The following VPS13D variants were observed in gnomAD, a reference collection of about 807,000 sequenced individuals.
The protein encoded by VPS13D is vacuolar protein sorting 13 homolog D.
VPS13D carries 187 observed loss-of-function variants against 461.9 expected under a neutral mutation model. That is an observed-to-expected ratio of 0.40 (90% CI 0.36 to 0.46). The LOEUF is 0.46. VPS13D is among the 20% of genes least tolerant of loss of function. The pLI, the probability that VPS13D is intolerant of heterozygous loss-of-function variation, is 0.60. For synonymous variants in VPS13D, 1,951 were observed against 1,986.3 expected (o/e 0.98, Z 0.47); for missense variants, 4,711 against 5,364.9 (o/e 0.88, Z 3.81).
intron 67 of VPS13D, among the ~76,000 whole-genome samples, chr1:12,483,945 C>T (rs1027940154): frequency 2.6e-5 from 4 of 151,578 alleles, no homozygotes; most frequent in African/African-American, 9.7e-5. Context: ...TTGCAGTGAG[C>T]CGAGATGGTG....
intron 57 of VPS13D, among the ~76,000 whole-genome samples, chr1:12,380,755 C>T (rs2101645499): frequency 6.6e-6 from 1 of 152,300 alleles, no homozygotes; most frequent in East Asian, 1.9e-4. Flanking sequence ...AGATTGTACT[C>T]CAGGGCAGTT....
intron 65 of VPS13D, among the ~76,000 whole-genome samples, chr1:12,439,622 A>G (rs1163122135): frequency 6.6e-6 from 1 of 152,222 alleles, no homozygotes; most frequent in Non-Finnish European, 1.5e-5. Flanking sequence ...CACTCAGTCC[A>G]TAGTATATGT....
chr1:12,280,500 C>CT (rs774648603), intron 20 of VPS13D, among the ~76,000 whole-genome samples: 4,116 of 139,762 alleles, frequency 0.029, 160 homozygotes, highest in Admixed American at 0.11. Context: ...TGTTGACTTA[C>CT]TTTTTTTTTT....
At chr1:12,353,553 AAAAC>A (rs1313221347) in intron 46 of VPS13D, among the ~76,000 whole-genome samples, 1 of 151,380 alleles carries the variant, frequency 6.6e-6, no homozygotes, top group Non-Finnish European at 1.5e-5. Flanking sequence ...AAAAAAAAAA[AAAAC>A]CAGACATAAA....
chr1:12,230,149 G>T (rs1639912101), intron 1 of VPS13D, 29 bp downstream of exon 1: 1 of 152,002 alleles, frequency 6.6e-6, no homozygotes, highest in South Asian at 2.1e-4. Flanking sequence ...CGTGCCGGGC[G>T]GGGCCAGGGT....
intron 65 of VPS13D, among the ~76,000 whole-genome samples, chr1:12,455,422 T>G (rs1645312996): frequency 6.6e-6 from 1 of 152,254 alleles, no homozygotes; most frequent in South Asian, 2.1e-4. Flanking sequence ...ACTATTTTGT[T>G]ATACCTCTGA....
chr1:12,386,793 A>G (rs1020694741), intron 60 of VPS13D, among the ~76,000 whole-genome samples: 4 of 152,212 alleles, frequency 2.6e-5, no homozygotes, highest in East Asian at 1.9e-4. Context: ...ACATCAGACA[A>G]TGAAGGACAG....
intron 65 of VPS13D, among the ~76,000 whole-genome samples, chr1:12,451,067 G>A (rs1293408288): frequency 6.6e-6 from 1 of 152,236 alleles, no homozygotes; most frequent in African/African-American, 2.4e-5. Context: ...GGCACCCCAT[G>A]CTTGCTGAAG....
chr1:12,409,968 A>C, intron 63 of VPS13D: 1 of 452,964 alleles, frequency 2.2e-6, no homozygotes, highest in Non-Finnish European at 4.4e-6. Context: ...GAGAAAGGTG[A>C]AGAAGCCAAG....
At chr1:12,416,477 G>C (rs1264805515) in intron 64 of VPS13D, among the ~76,000 whole-genome samples, 183 bp from the exon 65 acceptor site, 1 of 152,192 alleles carries the variant, frequency 6.6e-6, no homozygotes, top group Admixed American at 6.5e-5. Flanking sequence ...AGCTTAGGTG[G>C]TGCTCCTGAA....
rs973143002 is a variant in VPS13D, at chr1:12,335,967, T to C, written c.8551+140T>C. 8 of 1,301,516 alleles carry C rather than the reference T, an allele frequency of 6.1e-6. No individual in the cohort carries two copies. The African/African-American group carries it at 8.9e-5, about 14-fold the overall frequency. 80.6% of individuals were successfully genotyped at this position (1,301,516 alleles called of 1,614,324 possible). On this transcript the variant is annotated intron_variant, in intron 39 of 69. Transcript: ENST00000620676. Reference sequence around the variant, plus strand: ...CTGACTATCTTCTGTAGTTCTGTTTTAGTCTTTGCAGGAGACAGTTTTCTG... The same window carrying C: ...CTGACTATCTTCTGTAGTTCTGTTTCAGTCTTTGCAGGAGACAGTTTTCTG...
intron 50 of VPS13D, among the ~76,000 whole-genome samples, chr1:12,361,616 C>T (rs962994718): frequency 1.1e-4 from 17 of 151,178 alleles, no homozygotes; most frequent in African/African-American, 3.1e-4. Context: ...GGGATGGTCT[C>T]GATCTCCTGA....
At chr1:12,418,621 A>G (rs1285071978) in intron 65 of VPS13D, among the ~76,000 whole-genome samples, 6 of 152,202 alleles carry the variant, frequency 3.9e-5, no homozygotes, top group Non-Finnish European at 8.8e-5. Context: ...AAATGCACCT[A>G]CTTTACAGGT....
intron 68 of VPS13D, among the ~76,000 whole-genome samples, chr1:12,498,055 T>C (rs1432197677): frequency 2.6e-5 from 4 of 152,232 alleles, no homozygotes; most frequent in Non-Finnish European, 5.9e-5. Flanking sequence ...ATTTTGGAAA[T>C]GTATTTTTCG....
intron 58 of VPS13D, among the ~76,000 whole-genome samples, chr1:12,384,339 G>A (rs2180247): frequency 1.3e-5 from 2 of 152,166 alleles, no homozygotes; most frequent in Non-Finnish European, 1.5e-5. Flanking sequence ...GCAACTCACA[G>A]GATGATAATC....
chr1:12,322,287 C>T (rs900564534), intron 33 of VPS13D, among the ~76,000 whole-genome samples: 3 of 152,048 alleles, frequency 2.0e-5, no homozygotes, highest in Admixed American at 6.6e-5. Context: ...AGGATGGTCT[C>T]GATCTCCTCA....
chr1:12,261,976 C>T lies in VPS13D; in HGVS notation c.1490C>T (p.Ala497Val). ...NTYTKRDHVF[A>V]KLNLQLQRGT... ...TATACAAAGCGAGATCATGTCTTTG[C>T]CAAACTGAATTTGCAGTTGCAGCGA... The change falls in exon 13 of 70, where the codon GCC (alanine) becomes GTC (valine). Residue 497 changes from alanine (A) to valine (V), a missense_variant. Physicochemically the swap from Ala to Val is moderately conservative, Grantham distance 64 (BLOSUM62 0). Around this residue, in one of 3 missense-constraint regions of VPS13D, gnomAD observed 4,411 missense variants for 4,937.8 expected, o/e 0.89. Transcript: ENST00000620676. 1 of 1,614,154 alleles carries T rather than the reference C, an allele frequency of 6.2e-7. No homozygotes were observed.
intron 2 of VPS13D, among the ~76,000 whole-genome samples, 195 bp from the exon 3 acceptor site, chr1:12,242,318 A>G (rs527771467): frequency 2.2e-4 from 33 of 152,286 alleles, no homozygotes; most frequent in African/African-American, 7.5e-4. Flanking sequence ...CACATGATAT[A>G]GCCTGTTCTA....
chr1:12,318,440 G>A (rs764050942), intron 31 of VPS13D, 103 bp downstream of exon 31: 5 of 1,416,276 alleles, frequency 3.5e-6, no homozygotes, highest in Non-Finnish European at 3.8e-6. Context: ...TTTCACGTGA[G>A]CACTTACACA....
Sources: allele counts gnomAD v4.1 joint callset (sites outside exome capture counted in the v4.1 genomes callset), GRCh38; gene constraint gnomAD v4.1.1; regional missense constraint gnomAD v4.1.1; transcripts MANE v1.5; gene names NCBI Gene and HGNC (gene_info 2026-07-23, HGNC 2026-07-21).